The following ECT2 variants were observed in gnomAD, a reference collection of about 807,000 sequenced individuals.
The protein encoded by ECT2 is protein ECT2.
Under a neutral mutation model 116.9 loss-of-function variants are expected in ECT2, and 61 were observed. The observed-to-expected ratio is 0.52, with a 90% CI of 0.42 to 0.65. The LOEUF (loss-of-function observed/expected upper bound fraction) is 0.65. Ranked by LOEUF, ECT2 falls within the 30% of genes least tolerant of loss-of-function variation. The pLI is 0.00. For synonymous variants in ECT2, 358 were observed against 346.4 expected (o/e 1.03, Z -0.37); for missense variants, 937 against 1,078.7 (o/e 0.87, Z 1.84).
chr3:172,765,643 C>T (rs542000406), intron 12 of ECT2, among the ~76,000 whole-genome samples: 5 of 152,158 alleles, frequency 3.3e-5, no homozygotes, highest in South Asian at 4.2e-4. Context: ...TTAATTTGTG[C>T]CTTTCTATAT....
chr3:172,792,113 T>C (rs1397228202), intron 18 of ECT2, among the ~76,000 whole-genome samples: 2 of 152,202 alleles, frequency 1.3e-5, no homozygotes, highest in Non-Finnish European at 1.5e-5. Flanking sequence ...TTGTCTCATA[T>C]GGGCATTGTT....
At chr3:172,784,633 G>A in intron 16 of ECT2, 74 bp from the exon 17 acceptor site, 1 of 1,017,970 alleles carries the variant, frequency 9.8e-7, no homozygotes, top group Admixed American at 1.7e-5. Context: ...ATGATAAGGT[G>A]TACTCCAGTA....
chr3:172,763,863 A>T (rs1206448287), intron 11 of ECT2, among the ~76,000 whole-genome samples: 1 of 152,214 alleles, frequency 6.6e-6, no homozygotes, highest in Non-Finnish European at 1.5e-5. Flanking sequence ...AAAGTTTAAA[A>T]AGTGTGCTTT....
At chr3:172,828,334 C>CTGTGTGTGTG in the ECT2 span, among the ~76,000 whole-genome samples, 81,186 of 150,088 alleles carry the variant, frequency 0.54, 23,156 homozygotes, top group East Asian at 0.83. Flanking sequence ...TACCAACAGG[C>CTGTGTGTGTG]TGTGTGTGTG....
intron 18 of ECT2, among the ~76,000 whole-genome samples, chr3:172,799,294 T>G (rs1371778525): frequency 6.6e-6 from 1 of 152,150 alleles, no homozygotes; most frequent in Non-Finnish European, 1.5e-5. Flanking sequence ...GCCTGATGCA[T>G]GGGCCACATA....
intron 18 of ECT2, among the ~76,000 whole-genome samples, chr3:172,799,388 G>A (rs181150436): frequency 2.6e-5 from 4 of 152,282 alleles, no homozygotes; most frequent in Admixed American, 2.6e-4. Flanking sequence ...TTTTAATGCT[G>A]TAGACAGCCT....
intron 20 of ECT2, among the ~76,000 whole-genome samples, chr3:172,805,247 A>G (rs1018458910): frequency 1.3e-5 from 2 of 152,242 alleles, no homozygotes; most frequent in African/African-American, 4.8e-5. Context: ...TTTAACTTTT[A>G]AATGTTTTAT....
chr3:172,756,974 G>A lies in ECT2; in HGVS notation c.304-9G>A, dbSNP rs1050981624. 6.3e-7 allele frequency: 1 copy of A among 1,592,964 alleles called. No homozygotes were observed. The highest frequency in any genetic ancestry group is 1.9e-4 in the Middle Eastern group (1 of 5,132). ...TAATTTTTATTTCTGCTAACTATAT[G>A]ATGAAAAGGACATTAAAGTGGGCTT... On this transcript the variant is annotated splice_polypyrimidine_tract_variant and intron_variant, in intron 4 of 24. Transcript: ENST00000392692.
intron 13 of ECT2, 91 bp downstream of exon 13, chr3:172,769,234 A>G: frequency 4.0e-6 from 5 of 1,259,042 alleles, no homozygotes; most frequent in Middle Eastern, 4.5e-4. Flanking sequence ...AGAAAATTAT[A>G]TAAACATAGT....
intron 14 of ECT2, among the ~76,000 whole-genome samples, chr3:172,775,338 C>T (rs961836896): frequency 2.0e-5 from 3 of 151,976 alleles, no homozygotes; most frequent in African/African-American, 7.2e-5. Flanking sequence ...ACATTATAAA[C>T]AAAAAATAGA....
chr3:172,782,292 C>G, intron 15 of ECT2, 61 bp downstream of exon 15: 1 of 970,026 alleles, frequency 1.0e-6, no homozygotes, highest in Admixed American at 2.4e-5. Context: ...CAAGGACTGG[C>G]AAGGAGTGTA....
At chr3:172,823,413 T>TA (rs1730765486), downstream of ECT2, among the ~76,000 whole-genome samples, 3 of 152,300 alleles carry the variant, frequency 2.0e-5, no homozygotes, top group South Asian at 6.2e-4. Context: ...AGAATTACAC[T>TA]AACCTACCAT....
At chr3:172,787,728 T>C (rs1011046481) in intron 18 of ECT2, among the ~76,000 whole-genome samples, 4 of 152,210 alleles carry the variant, frequency 2.6e-5, no homozygotes, top group African/African-American at 9.7e-5. Context: ...ACAAACTTTA[T>C]GAAGTAGGCA....
At chr3:172,789,708 A>G (rs1724297692) in intron 18 of ECT2, among the ~76,000 whole-genome samples, 1 of 152,196 alleles carries the variant, frequency 6.6e-6, no homozygotes, top group Admixed American at 6.5e-5. Flanking sequence ...TTGTCATTTC[A>G]ACAGTGTTCA....
At chr3:172,800,433 A>G (rs1448524359) in intron 18 of ECT2, among the ~76,000 whole-genome samples, 3 of 152,184 alleles carry the variant, frequency 2.0e-5, no homozygotes, top group African/African-American at 7.2e-5. Context: ...ACAATACATA[A>G]TAACATTTTT....
chr3:172,802,551 ATG>A, intron 18 of ECT2, 63 bp from the exon 19 acceptor site: 9 of 983,374 alleles, frequency 9.2e-6, no homozygotes, highest in South Asian at 1.6e-5. Context: ...AACTTGTGAC[ATG>A]AGTTGTGTTT....
At chr3:172,784,610 A>T in intron 16 of ECT2, 97 bp from the exon 17 acceptor site, 1 of 852,990 alleles carries the variant, frequency 1.2e-6, no homozygotes, top group East Asian at 2.5e-5. Context: ...ATTAGTTTGT[A>T]TCACAGACAC....
At chr3:172,756,457 A>G (rs1717007801) in intron 4 of ECT2, among the ~76,000 whole-genome samples, 1 of 152,128 alleles carries the variant, frequency 6.6e-6, no homozygotes, top group South Asian at 2.1e-4. Flanking sequence ...CATCTTTCTC[A>G]TATATCTTAC....
Position 172,802,997 on chromosome 3 carries a change from C to T in ECT2, c.2106+17C>T, listed in dbSNP as rs1727007738. ...TGCCTAGAGGTAAAGATGTACTTCACATAGTATAATAACACTACTGATTTT... is the reference window on the plus strand; with the variant it reads ...TGCCTAGAGGTAAAGATGTACTTCATATAGTATAATAACACTACTGATTTT... On this transcript the variant is annotated intron_variant, in intron 20 of 24. Coordinates refer to ENST00000392692, the MANE Select transcript of ECT2 (RefSeq NM_001258315.2). 4 of 1,601,082 alleles carry T rather than the reference C, an allele frequency of 2.5e-6. No homozygotes were observed. Among genetic ancestry groups the T allele is most frequent in the Non-Finnish European group, 3.4e-6 (4 of 1,175,426 alleles).
Sources: gnomAD v4.1 joint callset for allele counts (sites outside exome capture counted in the v4.1 genomes callset) on GRCh38, gnomAD v4.1.1 for gene constraint, MANE v1.5 for transcripts, NCBI Gene and HGNC (gene_info 2026-07-23, HGNC 2026-07-21) for gene names.